Variants in MIB1 observed in about 807,000 individuals in gnomAD.
MIB1 encodes MIB E3 ubiquitin protein ligase 1.
Under a neutral mutation model 124.5 loss-of-function variants are expected in MIB1, and 278 were observed. The ratio of observed to expected loss-of-function variants is 2.23; its 90% confidence interval spans 2.02 to 2.47. MIB1 has a LOEUF of 2.47. MIB1 is among the 30% of genes most tolerant of loss of function. The pLI, the probability that MIB1 is intolerant of heterozygous loss-of-function variation, is 0.00. For missense variants in MIB1, 957 were observed against 1,254.4 expected (o/e 0.76, Z 3.58); for synonymous variants, 446 against 429.4 (o/e 1.04, Z -0.48).
chr18:21,813,566 G>A (rs926820416), intron 10 of MIB1, among the ~76,000 whole-genome samples: 1 of 130,806 alleles, frequency 7.6e-6, no homozygotes, highest in Non-Finnish European at 1.6e-5. Flanking sequence ...CAGTAAGGTA[G>A]AAATATCCCT....
intron 12 of MIB1, among the ~76,000 whole-genome samples, chr18:21,820,686 C>G (rs1031166940): frequency 6.6e-6 from 1 of 152,198 alleles, no homozygotes; most frequent in Non-Finnish European, 1.5e-5. Flanking sequence ...TATGATAGCA[C>G]TTTCCACATG....
chr18:21,710,448 T>G (rs1010206601), intron 1 of MIB1, among the ~76,000 whole-genome samples: 1 of 152,158 alleles, frequency 6.6e-6, no homozygotes, highest in Non-Finnish European at 1.5e-5. Flanking sequence ...TCAAATACTT[T>G]CCCCAAAAAA....
chr18:21,821,603 G>GTTTTTTTTTTTTTTTTTTTTTT (rs1331934133), intron 12 of MIB1, among the ~76,000 whole-genome samples: 1 of 135,404 alleles, frequency 7.4e-6, no homozygotes, highest in Non-Finnish European at 1.6e-5. Context: ...TGTTTTTTTT[G>GTTTTTTTTTTTTTTTTTTTTTT]TTTTTTTTTT....
rs2040844248 is a variant in MIB1, at chr18:21,741,136, G to A, written c.-448G>A. On this transcript the variant is annotated 5_prime_UTR_variant, in exon 1 of 21. The change creates a new upstream start codon in the 5' untranslated region. Transcript: ENST00000261537. The surrounding 1 kb of genome is among the most constrained non-coding windows in gnomAD (Gnocchi z 5.4). ...GCCCGCCCCCGAGCGAGGGGCCGGG[G>A]TGGCAGAAAGGCCGGCAGTTAAGCT... Among the ~76,000 whole-genome samples the A allele has an allele frequency of 6.6e-6, 1 of 152,068 alleles. No individual in the cohort carries two copies. The highest frequency in any genetic ancestry group is 2.4e-5 in the African/African-American group (1 of 41,446).
upstream of MIB1, among the ~76,000 whole-genome samples, chr18:21,740,151 G>A (rs1176367548): frequency 6.6e-6 from 1 of 152,186 alleles, no homozygotes; most frequent in Non-Finnish European, 1.5e-5. Context: ...TAAACCCTAT[G>A]CAGCATAATG....
chr18:21,848,822 G>T (rs1460452861), intron 16 of MIB1, among the ~76,000 whole-genome samples: 1 of 152,170 alleles, frequency 6.6e-6, no homozygotes, highest in Non-Finnish European at 1.5e-5. Context: ...ATGGGGGCTA[G>T]TGAGGATTTT....
Position 21,867,628 on chromosome 18 carries a change from A to C in MIB1, c.*2962A>C, listed in dbSNP as rs2042329706. 1 of 152,616 alleles carries C rather than the reference A, an allele frequency of 6.6e-6. No individual in the cohort carries two copies. Among genetic ancestry groups the C allele is most frequent in the South Asian group, 2.1e-4 (1 of 4,830 alleles). The allele number at this position is 152,616 out of a possible 1,614,324, so 9.5% of individuals were successfully genotyped here. ...TTGACCAGCTAGCTATGGAAGCATA[A>C]AATTAATTGATAATTAATGTTGGAA... On this transcript the variant is annotated 3_prime_UTR_variant, in exon 21 of 21. Transcript: ENST00000261537.
chr18:21,809,474 C>A (rs894515839), intron 10 of MIB1, among the ~76,000 whole-genome samples: 1 of 152,002 alleles, frequency 6.6e-6, no homozygotes, highest in Admixed American at 6.6e-5. Context: ...GACCAATATA[C>A]CATATCAACA....
intron 1 of MIB1, among the ~76,000 whole-genome samples, chr18:21,720,716 A>AG (rs2040710573): frequency 6.6e-6 from 1 of 152,186 alleles, no homozygotes; most frequent in African/African-American, 2.4e-5. Context: ...TGGGAGGCTG[A>AG]GAGGGGTAAA....
At chr18:21,818,444 A>G (rs1431477103) in intron 11 of MIB1, among the ~76,000 whole-genome samples, 1 of 152,100 alleles carries the variant, frequency 6.6e-6, no homozygotes, top group East Asian at 1.9e-4. Context: ...CAGCTTTATC[A>G]CTTCACTGGT....
At chr18:21,759,690 C>G (rs1247909738) in intron 1 of MIB1, among the ~76,000 whole-genome samples, 3 of 152,056 alleles carry the variant, frequency 2.0e-5, no homozygotes, top group Non-Finnish European at 2.9e-5. Flanking sequence ...ATGTTGTTTA[C>G]TTTTTACTTT....
intron 18 of MIB1, among the ~76,000 whole-genome samples, chr18:21,856,857 CTT>C (rs1327973491): frequency 1.3e-5 from 2 of 152,142 alleles, no homozygotes; most frequent in East Asian, 1.9e-4. Flanking sequence ...TATTGTGTCA[CTT>C]ATTTCTTTAA....
At chr18:21,766,078 A>T in intron 2 of MIB1, 135 bp downstream of exon 2, 2 of 765,164 alleles carry the variant, frequency 2.6e-6, no homozygotes, top group South Asian at 3.2e-5. Context: ...CAATAGTAGG[A>T]TAGAAGTGGA....
intron 12 of MIB1, among the ~76,000 whole-genome samples, chr18:21,824,199 T>A (rs1439664858): frequency 6.6e-6 from 1 of 152,200 alleles, no homozygotes; most frequent in Non-Finnish European, 1.5e-5. Context: ...GTGAATCACC[T>A]GATGTGATAT....
intron 1 of MIB1, among the ~76,000 whole-genome samples, chr18:21,709,028 G>A (rs761705745): frequency 4.6e-5 from 7 of 152,028 alleles, no homozygotes; most frequent in Non-Finnish European, 8.8e-5. Context: ...TTTAAAAGTC[G>A]TGGCGAGGCC....
intron 12 of MIB1, chr18:21,827,468 G>C (rs2041936310): frequency 6.6e-6 from 1 of 151,968 alleles, no homozygotes; most frequent in Admixed American, 6.6e-5. Flanking sequence ...CAATATAACT[G>C]TTTATTATAA....
chr18:21,729,301 G>A (rs930625581), intron 1 of MIB1, among the ~76,000 whole-genome samples: 2 of 152,138 alleles, frequency 1.3e-5, no homozygotes, highest in African/African-American at 2.4e-5. Context: ...AAATACCTTA[G>A]ACTGGGTAAT....
intron 1 of MIB1, among the ~76,000 whole-genome samples, chr18:21,756,619 C>T (rs556378526): frequency 5.3e-5 from 8 of 152,026 alleles, no homozygotes; most frequent in Non-Finnish European, 8.8e-5. Context: ...CGTACACCAC[C>T]GTGGCCGGCA....
chr18:21,729,070 AG>A (rs2040755849), intron 1 of MIB1, among the ~76,000 whole-genome samples: 1 of 152,200 alleles, frequency 6.6e-6, no homozygotes, highest in African/African-American at 2.4e-5. Flanking sequence ...ACTGCATCTC[AG>A]GCAGGTGCCT....
Sources: allele counts gnomAD v4.1 joint callset (sites outside exome capture counted in the v4.1 genomes callset), GRCh38; gene constraint gnomAD v4.1.1; non-coding constraint Gnocchi (gnomAD v3.1); transcripts MANE v1.5; gene names NCBI Gene and HGNC (gene_info 2026-07-23, HGNC 2026-07-21).